Variants in SH3GL2 observed in about 807,000 individuals in gnomAD.
SH3GL2 encodes endophilin-A1.
In SH3GL2, 24 loss-of-function variants were observed where a neutral mutation model predicts 46.0. That is an observed-to-expected ratio of 0.52 (90% CI 0.38 to 0.73). The LOEUF (loss-of-function observed/expected upper bound fraction) is 0.73. SH3GL2 is among the 30% of genes least tolerant of loss of function. The pLI, the probability that SH3GL2 is intolerant of heterozygous loss-of-function variation, is 0.00. For synonymous variants in SH3GL2, 196 were observed against 147.1 expected (o/e 1.33, Z -2.40); for missense variants, 413 against 424.2 (o/e 0.97, Z 0.23).
intron 1 of SH3GL2, among the ~76,000 whole-genome samples, chr9:17,724,822 G>C (rs1002161357): frequency 6.6e-6 from 1 of 152,078 alleles, no homozygotes; most frequent in Non-Finnish European, 1.5e-5. Flanking sequence ...TTGTTTCTTT[G>C]TGTTTATCTG....
At chr9:17,733,759 G>A (rs2118435671) in intron 1 of SH3GL2, among the ~76,000 whole-genome samples, 1 of 152,192 alleles carries the variant, frequency 6.6e-6, no homozygotes, top group East Asian at 1.9e-4. Flanking sequence ...AGAAAATGCG[G>A]CACATATACA....
intron 1 of SH3GL2, among the ~76,000 whole-genome samples, chr9:17,611,813 T>G (rs1423081846): frequency 6.6e-6 from 1 of 152,170 alleles, no homozygotes; most frequent in Non-Finnish European, 1.5e-5. Context: ...GAAGGAGACA[T>G]CAGGACTTGC....
intron 1 of SH3GL2, among the ~76,000 whole-genome samples, chr9:17,680,879 CGT>C: frequency 1.3e-5 from 2 of 152,094 alleles, no homozygotes; most frequent in African/African-American, 4.8e-5. Context: ...GCCTTCATTT[CGT>C]TATGTACCCA....
intron 1 of SH3GL2, among the ~76,000 whole-genome samples, chr9:17,592,130 G>A (rs1818495625): frequency 6.6e-6 from 1 of 152,184 alleles, no homozygotes; most frequent in Non-Finnish European, 1.5e-5. Flanking sequence ...AGGCCCCGGG[G>A]AGCTGCTGGT....
Position 17,789,378 on chromosome 9 carries a change from C to A in SH3GL2, c.466-14C>A, listed in dbSNP as rs1355083200. 1.9e-6 allele frequency: 3 copies of A among 1,611,560 alleles called. No individual in the cohort carries two copies. Among genetic ancestry groups the A allele is most frequent in the Non-Finnish European group, 2.5e-6 (3 of 1,178,290 alleles). On this transcript the variant is annotated splice_polypyrimidine_tract_variant and intron_variant, in intron 5 of 8. Transcript: ENST00000380607. ...AGCCCTTTCAAAGCCTATTCCTGCC[C>A]TTGACTTTTGCAGCATCATCTAAAG...
intron 1 of SH3GL2, among the ~76,000 whole-genome samples, chr9:17,687,172 T>G (rs1470754900): frequency 1.3e-5 from 2 of 152,156 alleles, no homozygotes; most frequent in African/African-American, 4.8e-5. Flanking sequence ...TATGCTTTGA[T>G]TTTTCTTATA....
intron 3 of SH3GL2, among the ~76,000 whole-genome samples, chr9:17,772,363 C>G (rs1257784298): frequency 1.3e-5 from 2 of 151,994 alleles, no homozygotes; most frequent in Admixed American, 1.3e-4. Flanking sequence ...ATGAAATTAT[C>G]TTAACTATTT....
At chr9:17,597,965 A>C (rs1424818350) in intron 1 of SH3GL2, among the ~76,000 whole-genome samples, 2 of 152,160 alleles carry the variant, frequency 1.3e-5, no homozygotes, top group Non-Finnish European at 2.9e-5. Context: ...TAAAATACTC[A>C]TTCCCTGCCC....
intron 1 of SH3GL2, among the ~76,000 whole-genome samples, chr9:17,725,763 G>T (rs1271352362): frequency 6.6e-6 from 1 of 152,176 alleles, no homozygotes; most frequent in African/African-American, 2.4e-5. Flanking sequence ...AATGGGGAAA[G>T]GAGACAGAGT....
rs868143476 is a variant in SH3GL2, at chr9:17,712,685, A to G, written c.46-34381A>G. Among the ~76,000 whole-genome samples, 97 of 151,964 alleles carry G rather than the reference A, an allele frequency of 6.4e-4. 1 individual carries two copies. The highest frequency in any genetic ancestry group is 3.4e-3 in the Middle Eastern group (1 of 294). On this transcript the variant is annotated intron_variant, in intron 1 of 8. Transcript: ENST00000380607. ...GATCTATTTGTCTTTTCTGATGCCA[A>G]TACCTCCTTGATTACAGTAGCTTTA... is the stretch of plus-strand genomic sequence containing the variant.
Position 17,768,384 on chromosome 9 carries a change from A to C in SH3GL2, c.187+6875A>C, listed in dbSNP as rs530954071. On this transcript the variant is annotated intron_variant, in intron 3 of 8. Transcript: ENST00000380607. ...GGACTCTGTCTCAAAAAAAAAAAAAAAAAAAAACACCAGATTCTTAATCAT... is the reference window on the plus strand; with the variant it reads ...GGACTCTGTCTCAAAAAAAAAAAAACAAAAAAACACCAGATTCTTAATCAT... Among the ~76,000 whole-genome samples, 11 of 151,910 alleles carry C rather than the reference A, an allele frequency of 7.2e-5. 1 individual carries two copies. Among genetic ancestry groups the C allele is most frequent in the South Asian group, 6.2e-4 (3 of 4,804 alleles).
In SH3GL2 at chr9:17,789,372, C is replaced by T. The variant is rs374983448; in HGVS notation, c.466-20C>T. On this transcript the variant is annotated intron_variant, in intron 5 of 8. Coordinates refer to ENST00000380607, the MANE Select transcript of SH3GL2 (RefSeq NM_003026.5). Reference sequence around the variant, plus strand: ...TCCATAAGCCCTTTCAAAGCCTATTCCTGCCCTTGACTTTTGCAGCATCAT... The same window carrying T: ...TCCATAAGCCCTTTCAAAGCCTATTTCTGCCCTTGACTTTTGCAGCATCAT... 505 of 1,610,290 alleles carry T rather than the reference C, an allele frequency of 3.1e-4. No homozygotes were observed. Among genetic ancestry groups the T allele is most frequent in the Middle Eastern group, 1.5e-3 (9 of 6,048 alleles).
intron 1 of SH3GL2, among the ~76,000 whole-genome samples, chr9:17,597,218 A>G (rs966077966): frequency 6.6e-6 from 1 of 152,132 alleles, no homozygotes; most frequent in Non-Finnish European, 1.5e-5. Context: ...GTAGTTTCAG[A>G]TTTCAGCATT....
chr9:17,599,839 A>T lies in SH3GL2; in HGVS notation c.45+20552A>T, dbSNP rs187070985. 7.0e-3 allele frequency among the ~76,000 whole-genome samples: 1,057 copies of T among 151,938 alleles called. 7 individuals carry two copies. The highest frequency in any genetic ancestry group is 0.031 in the Middle Eastern group (9 of 290). The stretch of plus-strand genomic sequence containing the variant: ...TTTCAAACGTTTTCTTTTTCTTAAA[A>T]TTTTTTTTGATATTTCCTTTAAAAA... On this transcript the variant is annotated intron_variant, in intron 1 of 8. Coordinates refer to ENST00000380607, the MANE Select transcript of SH3GL2 (RefSeq NM_003026.5).
At chr9:17,691,568 G>C (rs761692818) in intron 1 of SH3GL2, among the ~76,000 whole-genome samples, 1 of 152,060 alleles carries the variant, frequency 6.6e-6, no homozygotes, top group African/African-American at 2.4e-5. Flanking sequence ...ACTCCCACAT[G>C]TTGAAACCAA....
chr9:17,652,916 G>T (rs939184588), intron 1 of SH3GL2, among the ~76,000 whole-genome samples: 2 of 151,988 alleles, frequency 1.3e-5, no homozygotes, highest in Non-Finnish European at 2.9e-5. Flanking sequence ...TTGTATTTTT[G>T]TTCTACAGCA....
At chr9:17,737,182 C>T (rs7869427) in intron 1 of SH3GL2, among the ~76,000 whole-genome samples, 151,750 of 151,756 alleles carry the variant, frequency 1, 75,872 homozygotes, top group Middle Eastern at 1. Flanking sequence ...GAGGGGAACA[C>T]CACACACTGG....
chr9:17,616,411 A>G (rs549250915), intron 1 of SH3GL2, among the ~76,000 whole-genome samples: 10 of 152,308 alleles, frequency 6.6e-5, no homozygotes, highest in Non-Finnish European at 1.3e-4. Context: ...GCTTAAAAAA[A>G]TTAAAATCAA....
At chr9:17,683,227 C>G (rs1157395609) in intron 1 of SH3GL2, among the ~76,000 whole-genome samples, 1 of 152,056 alleles carries the variant, frequency 6.6e-6, no homozygotes, top group Non-Finnish European at 1.5e-5. Flanking sequence ...AAGGAGAATT[C>G]AGTTACATGC....
Sources: gnomAD v4.1 joint callset for allele counts (sites outside exome capture counted in the v4.1 genomes callset) on GRCh38, gnomAD v4.1.1 for gene constraint, MANE v1.5 for transcripts, NCBI Gene and HGNC (gene_info 2026-07-23, HGNC 2026-07-21) for gene names.